The following C8B variants were observed in gnomAD, a reference collection of about 807,000 sequenced individuals.
C8B encodes the protein complement component C8 beta chain.
A neutral mutation model predicts 64.6 loss-of-function variants in C8B; 67 were observed. That is an observed-to-expected ratio of 1.04 (90% confidence interval 0.85 to 1.27). The LOEUF is 1.27. Ranked by LOEUF, C8B falls within the 50% of genes most tolerant of loss-of-function variation. The pLI is 0.00. For missense variants in C8B, 790 were observed against 725.2 expected (o/e 1.09, Z -1.03); for synonymous variants, 284 against 257.7 (o/e 1.10, Z -0.98).
At position 56,929,575 on chromosome 1, in the gene C8B, CAATA is replaced by C; in HGVS notation, c.1622-21_1622-18del. ...TGGGGGTATCTATAAGAAAGAAGGT[CAATA>C]AGCATCAATCAGCACTTCTTATATT... On this transcript the variant is annotated intron_variant, in intron 11 of 11. Coordinates refer to ENST00000371237, the MANE Select transcript of C8B (RefSeq NM_000066.4). The C allele has an allele frequency of 1.2e-6, 2 of 1,611,116 alleles. No individual in the cohort carries two copies.
At chr1:56,936,601 C>CTT (rs35818447) in intron 9 of C8B, among the ~76,000 whole-genome samples, 36 of 95,226 alleles carry the variant, frequency 3.8e-4, no homozygotes, top group South Asian at 1.5e-3. Context: ...TTTTTCTTTT[C>CTT]TTTTTTTTTT....
At chr1:56,938,202 G>A (rs1054626982) in intron 9 of C8B, among the ~76,000 whole-genome samples, 10 of 152,206 alleles carry the variant, frequency 6.6e-5, no homozygotes, top group East Asian at 1.9e-4. Context: ...TCTGTCTATC[G>A]TATTTCTTTT....
chr1:56,953,580 T>C (rs1198575064), intron 4 of C8B, among the ~76,000 whole-genome samples: 1 of 152,224 alleles, frequency 6.6e-6, no homozygotes, highest in African/African-American at 2.4e-5. Context: ...ACAGAGTCTG[T>C]ATTCTTCCCA....
chr1:56,959,627 A>G (rs780543550), intron 2 of C8B: 12 of 1,535,198 alleles, frequency 7.8e-6, no homozygotes, highest in Non-Finnish European at 9.6e-6. Flanking sequence ...GGTCACAGGG[A>G]TCCTCGAAAA....
At chr1:56,933,182 G>A (rs1570370222) in intron 10 of C8B, among the ~76,000 whole-genome samples, 153 bp downstream of exon 10, 1 of 152,062 alleles carries the variant, frequency 6.6e-6, no homozygotes, top group East Asian at 1.9e-4. Context: ...GTAACCCTTG[G>A]GGCTAGAACC....
chr1:56,944,046 G>A (rs967832655), intron 7 of C8B, among the ~76,000 whole-genome samples: 6 of 152,056 alleles, frequency 3.9e-5, no homozygotes, highest in African/African-American at 7.2e-5. Flanking sequence ...TCCCCGCAAC[G>A]CTCTCTGAGG....
Position 56,952,876 on chromosome 1 carries a change from C to T in C8B, c.534-696G>A, listed in dbSNP as rs187964893. 1.4e-3 allele frequency among the ~76,000 whole-genome samples: 219 copies of T among 152,324 alleles called. 2 individuals carry two copies. The highest frequency in any genetic ancestry group is 4.9e-3 in the African/African-American group (202 of 41,580). ...TCATGTTTATGAAGTCCTTAAAACA[C>T]TACTTGGTCCGCGATAAATGTGCTA... is the stretch of plus-strand genomic sequence containing the variant. On this transcript the variant is annotated intron_variant, in intron 4 of 11. Transcript: ENST00000371237.
At chr1:56,938,874 G>T (rs1644810134) in intron 9 of C8B, among the ~76,000 whole-genome samples, 2 of 147,200 alleles carry the variant, frequency 1.4e-5, no homozygotes, top group South Asian at 4.8e-4. Context: ...GAAGCCATCT[G>T]CAGTTCCCTC....
At chr1:56,956,126 C>T (rs1422994387) in intron 3 of C8B, among the ~76,000 whole-genome samples, 1 of 152,012 alleles carries the variant, frequency 6.6e-6, no homozygotes, top group African/African-American at 2.4e-5. Flanking sequence ...CTTAGTGATG[C>T]AGAAATGTAA....
intron 3 of C8B, 28 bp downstream of exon 3, chr1:56,956,741 C>T (rs758511199): frequency 6.8e-6 from 11 of 1,612,286 alleles, no homozygotes; most frequent in Admixed American, 1.7e-5. Context: ...TTCAGGCTTT[C>T]CCCTCTTACT....
intron 5 of C8B, among the ~76,000 whole-genome samples, chr1:56,951,397 C>T (rs924751818): frequency 6.6e-6 from 1 of 152,078 alleles, no homozygotes; most frequent in African/African-American, 2.4e-5. Context: ...TCCTGGAACC[C>T]AGTGTGTTCC....
At chr1:56,931,320 C>T (rs183570392) in intron 11 of C8B, among the ~76,000 whole-genome samples, 5 of 152,246 alleles carry the variant, frequency 3.3e-5, no homozygotes, top group Admixed American at 6.5e-5. Context: ...GGGACATGGT[C>T]CCTACTCACA....
chr1:56,954,693 C>T lies in C8B; in HGVS notation c.526G>A (p.Ala176Thr). Residue 176 changes from alanine (A) to threonine (T), a missense_variant, in exon 4 of 12, where the codon GCC becomes ACC. By Grantham distance (58) the Ala-to-Thr change is moderately conservative. Transcript: ENST00000371237. The stretch of plus-strand genomic sequence containing the variant: ...AGAAAAATGGTCACTTACCCACTGG[C>T]CAGACTGCCAATTCCCCAGTATTGG... ...MDQYWGIGSL[A>T]SGINLFTNSF... 1.2e-6 allele frequency: 2 copies of T among 1,614,174 alleles called. No homozygotes were observed.
At chr1:56,960,337 C>T (rs1645160632) in intron 1 of C8B, among the ~76,000 whole-genome samples, 161 bp from the exon 2 acceptor site, 1 of 152,050 alleles carries the variant, frequency 6.6e-6, no homozygotes, top group African/African-American at 2.4e-5. Flanking sequence ...TTAATTAATC[C>T]AACAAATATT....
intron 9 of C8B, among the ~76,000 whole-genome samples, chr1:56,940,051 A>G (rs2101381955): frequency 6.6e-6 from 1 of 152,112 alleles, no homozygotes; most frequent in East Asian, 1.9e-4. Flanking sequence ...TGTTCCTCGT[A>G]GACTGTATGT....
intron 9 of C8B, among the ~76,000 whole-genome samples, chr1:56,934,716 C>T (rs964113214): frequency 6.6e-6 from 1 of 152,114 alleles, no homozygotes; most frequent in African/African-American, 2.4e-5. Context: ...GTCCCATTGT[C>T]TCACCATTTT....
chr1:56,949,546 C>G lies in C8B; in HGVS notation c.864+9G>C. ...CATATACGTTTAAAAGCAACAAAGA[C>G]ATACTTACAGTATGAGAGAATCGTT... On this transcript the variant is annotated intron_variant, in intron 6 of 11. Coordinates refer to ENST00000371237, the MANE Select transcript of C8B (RefSeq NM_000066.4). 1 of 1,611,064 alleles carries G rather than the reference C, an allele frequency of 6.2e-7. No homozygotes were observed. Among genetic ancestry groups the G allele is most frequent in the Non-Finnish European group, 8.5e-7 (1 of 1,177,360 alleles).
intron 1 of C8B, among the ~76,000 whole-genome samples, chr1:56,964,925 A>G (rs997199862): frequency 2.0e-5 from 3 of 152,128 alleles, no homozygotes; most frequent in African/African-American, 7.2e-5. Flanking sequence ...GGCTAAATGG[A>G]GTTTCTTGAT....
At chr1:56,962,513 A>G (rs148815072) in intron 1 of C8B, among the ~76,000 whole-genome samples, 3 of 152,310 alleles carry the variant, frequency 2.0e-5, no homozygotes, top group African/African-American at 4.8e-5. Context: ...AACAAACCTG[A>G]TGGACATTTT....
Sources: gnomAD v4.1 joint callset for allele counts (sites outside exome capture counted in the v4.1 genomes callset) on GRCh38, gnomAD v4.1.1 for gene constraint, MANE v1.5 for transcripts, NCBI Gene and HGNC (gene_info 2026-07-23, HGNC 2026-07-21) for gene names.